The following MALRD1 variants were observed in gnomAD, a reference collection of about 807,000 sequenced individuals.
The protein encoded by MALRD1 is MAM and LDL receptor class A domain containing 1.
In MALRD1, 247 loss-of-function variants were observed where a neutral mutation model predicts 242.1. That is an observed-to-expected ratio of 1.02 (90% confidence interval 0.92 to 1.13). The LOEUF (loss-of-function observed/expected upper bound fraction) is 1.13. MALRD1 is among the 50% of genes most tolerant of loss of function. MALRD1 has a pLI of 0.00. For synonymous variants in MALRD1, 995 were observed against 866.6 expected (o/e 1.15, Z -2.60); for missense variants, 2,989 against 2,533.1 (o/e 1.18, Z -3.86).
chr10:19,100,781 A>G (rs762801062), intron 4 of MALRD1, among the ~76,000 whole-genome samples: 4 of 152,126 alleles, frequency 2.6e-5, no homozygotes, highest in Non-Finnish European at 5.9e-5. Flanking sequence ...AACCCTGAAG[A>G]GGAATGGTGT....
At chr10:19,550,869 G>A (rs1019141168) in intron 32 of MALRD1, among the ~76,000 whole-genome samples, 2 of 152,268 alleles carry the variant, frequency 1.3e-5, no homozygotes, top group Middle Eastern at 3.4e-3. Flanking sequence ...ACCCCATAAT[G>A]GGATTGCTGG....
At chr10:19,242,414 T>A (rs569049359) in intron 18 of MALRD1, among the ~76,000 whole-genome samples, 27 of 152,068 alleles carry the variant, frequency 1.8e-4, no homozygotes, top group Non-Finnish European at 3.8e-4. Flanking sequence ...TCAGGTGAGA[T>A]CTTCTTTACC....
chr10:19,585,430 A>G lies in MALRD1; in HGVS notation c.5681-9764A>G, dbSNP rs573237922. On this transcript the variant is annotated intron_variant, in intron 33 of 39. Transcript: ENST00000454679. Reference sequence around the variant, plus strand: ...TTTTAGGGCAGGCCTGGTGGTGACAAAATCTCTCAACATTTGCTTGTCTGT... The same window carrying G: ...TTTTAGGGCAGGCCTGGTGGTGACAGAATCTCTCAACATTTGCTTGTCTGT... Among the ~76,000 whole-genome samples the G allele has an allele frequency of 7.5e-4, 114 of 152,086 alleles. No individual in the cohort carries two copies. The East Asian group carries it at 0.011, about 15-fold the overall frequency.
chr10:19,485,804 C>G (rs1351337203), intron 29 of MALRD1, among the ~76,000 whole-genome samples: 2 of 152,012 alleles, frequency 1.3e-5, no homozygotes, highest in African/African-American at 4.8e-5. Context: ...TCTTACATAA[C>G]TACTTCCAAT....
intron 29 of MALRD1, among the ~76,000 whole-genome samples, chr10:19,480,799 TCTTC>T (rs1836960676): frequency 6.6e-6 from 1 of 152,140 alleles, no homozygotes; most frequent in African/African-American, 2.4e-5. Flanking sequence ...TGTTATCTCT[TCTTC>T]CTTCTTTCTA....
chr10:19,606,842 T>C (rs1449727189), intron 34 of MALRD1, among the ~76,000 whole-genome samples: 1 of 152,106 alleles, frequency 6.6e-6, no homozygotes, highest in East Asian at 1.9e-4. Flanking sequence ...CATTTAACTC[T>C]AACACATAAA....
intron 36 of MALRD1, among the ~76,000 whole-genome samples, chr10:19,629,110 CCT>C (rs1426253002): frequency 1.3e-5 from 2 of 152,114 alleles, no homozygotes; most frequent in East Asian, 3.9e-4. Context: ...CCTAATTTCC[CCT>C]GTCTGCACCC....
Position 19,128,207 on chromosome 10 carries a change from C to A in MALRD1, c.944-14C>A. The A allele has an allele frequency of 8.1e-7, 1 of 1,232,570 alleles. No homozygotes were observed. The highest frequency in any genetic ancestry group is 1.0e-6 in the Non-Finnish European group (1 of 987,204). The allele number at this position is 1,232,570 out of a possible 1,614,324, so 76.4% of individuals were successfully genotyped here. A position where few individuals can be genotyped will look rare whatever the true frequency, so the allele number is the denominator to read the frequency against. Reference sequence around the variant, plus strand: ...TGTTTTCCTAAATTGCTTCTTTTTTCTTTTATCTTTCAGGTTATTATGTAT... The same window carrying A: ...TGTTTTCCTAAATTGCTTCTTTTTTATTTTATCTTTCAGGTTATTATGTAT... On this transcript the variant is annotated splice_polypyrimidine_tract_variant and intron_variant, in intron 7 of 39. Transcript: ENST00000454679.
intron 19 of MALRD1, among the ~76,000 whole-genome samples, chr10:19,275,582 T>C (rs1840473616): frequency 1.3e-5 from 2 of 152,066 alleles, no homozygotes; most frequent in South Asian, 2.1e-4. Flanking sequence ...GGCAGGAGAA[T>C]GGTGTGAACC....
chr10:19,335,880 G>A (rs12358154), intron 24 of MALRD1, among the ~76,000 whole-genome samples: 4 of 151,910 alleles, frequency 2.6e-5, no homozygotes, highest in Non-Finnish European at 4.4e-5. Flanking sequence ...AGATATACAC[G>A]TGCCATGGTG....
chr10:19,501,719 GAGGAAATAAACTC>G (rs1437588432), intron 31 of MALRD1, among the ~76,000 whole-genome samples: 3 of 152,172 alleles, frequency 2.0e-5, no homozygotes, highest in Admixed American at 6.5e-5. Context: ...TAAAGTAGAG[GAGGAAATAAACTC>G]AGTAGAAAAA....
chr10:19,290,273 C>T (rs1439811573), intron 21 of MALRD1: 2 of 152,124 alleles, frequency 1.3e-5, no homozygotes, highest in Admixed American at 1.3e-4. Context: ...GAGAGTAACA[C>T]CATTCCATAC....
intron 18 of MALRD1, among the ~76,000 whole-genome samples, chr10:19,218,120 T>C (rs1009566077): frequency 2.0e-5 from 3 of 152,114 alleles, no homozygotes; most frequent in Non-Finnish European, 2.9e-5. Context: ...TAAGCAATGA[T>C]TGGTTTATGT....
chr10:19,208,782 G>A (rs1273275242), intron 17 of MALRD1, among the ~76,000 whole-genome samples: 2 of 152,298 alleles, frequency 1.3e-5, no homozygotes, highest in East Asian at 3.9e-4. Context: ...CACCAAGGGA[G>A]CTTCGAAAAA....
At chr10:19,715,359 T>A (rs1157738753) in intron 38 of MALRD1, among the ~76,000 whole-genome samples, 2 of 150,642 alleles carry the variant, frequency 1.3e-5, no homozygotes, top group Non-Finnish European at 3.0e-5. Context: ...TATAACTTAT[T>A]ATGAAAACAT....
chr10:19,415,410 T>A (rs1833477320), intron 28 of MALRD1, among the ~76,000 whole-genome samples: 1 of 152,138 alleles, frequency 6.6e-6, no homozygotes, highest in African/African-American at 2.4e-5. Context: ...TTTAAAGACA[T>A]AATCCCTCTA....
intron 18 of MALRD1, among the ~76,000 whole-genome samples, chr10:19,214,644 G>T (rs1837226230): frequency 6.6e-6 from 1 of 152,110 alleles, no homozygotes; most frequent in African/African-American, 2.4e-5. Context: ...TGTGATCTTC[G>T]GTTTTCATCT....
chr10:19,467,426 C>CT (rs1206320753), intron 29 of MALRD1, among the ~76,000 whole-genome samples: 1 of 142,872 alleles, frequency 7.0e-6, no homozygotes, highest in African/African-American at 2.7e-5. Context: ...AAAGACCTTT[C>CT]TTACAGCGCT....
At chr10:19,446,365 A>G (rs1339621096) in intron 28 of MALRD1, among the ~76,000 whole-genome samples, 1 of 152,158 alleles carries the variant, frequency 6.6e-6, no homozygotes. Flanking sequence ...GTATTTATTT[A>G]CCCTTATTAA....
Sources: gnomAD v4.1 joint callset for allele counts (sites outside exome capture counted in the v4.1 genomes callset) on GRCh38, gnomAD v4.1.1 for gene constraint, MANE v1.5 for transcripts, NCBI Gene and HGNC (gene_info 2026-07-23, HGNC 2026-07-21) for gene names.